The following AFTPH variants were observed in gnomAD, a reference collection of about 807,000 sequenced individuals.
AFTPH encodes the protein aftiphilin protein.
A neutral mutation model predicts 72.5 loss-of-function variants in AFTPH; 7 were observed. The ratio of observed to expected loss-of-function variants is 0.10; its 90% CI spans 0.05 to 0.18. The LOEUF (loss-of-function observed/expected upper bound fraction) is 0.18, where lower values mean the gene tolerates loss of function less well. Among genes scored for constraint, AFTPH ranks in the 10% least tolerant of loss-of-function variants. The pLI, the probability that AFTPH is intolerant of heterozygous loss-of-function variation, is 1.00. For missense variants in AFTPH, 979 were observed against 1,060.5 expected (o/e 0.92, Z 1.07); for synonymous variants, 337 against 370.1 (o/e 0.91, Z 1.03).
At chr2:64,532,386 T>G (rs143087790) in intron 1 of AFTPH, among the ~76,000 whole-genome samples, 1 of 152,146 alleles carries the variant, frequency 6.6e-6, no homozygotes, top group African/African-American at 2.4e-5. Context: ...ATGATCAAAT[T>G]TGACTTTTAA....
chr2:64,583,183 G>C (rs1331940905), intron 7 of AFTPH, among the ~76,000 whole-genome samples: 2 of 151,706 alleles, frequency 1.3e-5, no homozygotes, highest in Non-Finnish European at 2.9e-5. Flanking sequence ...TTTCTGACTT[G>C]TTTCTGGGAA....
intron 1 of AFTPH, among the ~76,000 whole-genome samples, chr2:64,530,028 C>T (rs1039331060): frequency 2.5e-4 from 38 of 151,912 alleles, no homozygotes; most frequent in South Asian, 2.1e-4. Context: ...TGGTGGCGGC[C>T]GCCTGTAATC....
chr2:64,544,802 T>C (rs1670464694), intron 1 of AFTPH, among the ~76,000 whole-genome samples: 1 of 152,142 alleles, frequency 6.6e-6, no homozygotes, highest in Non-Finnish European at 1.5e-5. Context: ...TTAGAAGCAG[T>C]GGCACTCTCT....
intron 2 of AFTPH, among the ~76,000 whole-genome samples, chr2:64,560,955 T>C (rs1352854639): frequency 6.6e-6 from 1 of 152,252 alleles, no homozygotes; most frequent in Non-Finnish European, 1.5e-5. Flanking sequence ...CTTGTTAGTA[T>C]ACTCAACCTG....
chr2:64,543,396 T>G (rs1670376280), intron 1 of AFTPH, among the ~76,000 whole-genome samples: 1 of 152,224 alleles, frequency 6.6e-6, no homozygotes, highest in African/African-American at 2.4e-5. Context: ...GTCCAATATA[T>G]CAATCTTTTC....
chr2:64,551,563 A>G (rs2103937978), exon 2 of AFTPH: 1 of 1,614,082 alleles, frequency 6.2e-7, no homozygotes, highest in Non-Finnish European at 8.5e-7. Flanking sequence ...GAATTTGGGG[A>G]ATTTGGTGGG....
intron 1 of AFTPH, among the ~76,000 whole-genome samples, chr2:64,542,450 A>G (rs1247773946): frequency 6.6e-6 from 1 of 152,188 alleles, no homozygotes; most frequent in Non-Finnish European, 1.5e-5. Flanking sequence ...AATAGGAGCT[A>G]CAGGCAGTTT....
chr2:64,592,398 C>G, exon 9 of AFTPH: 1 of 158,452 alleles, frequency 6.3e-6, no homozygotes, highest in Non-Finnish European at 1.4e-5. Context: ...CCCCTTCAGT[C>G]TTTTCAGATT....
At chr2:64,559,943 A>G (rs539389725) in intron 2 of AFTPH, among the ~76,000 whole-genome samples, 66 of 152,264 alleles carry the variant, frequency 4.3e-4, no homozygotes, top group Middle Eastern at 6.8e-3. Flanking sequence ...GGCTCAAGCA[A>G]TCTGCCTGCC....
chr2:64,524,838 C>T (rs1669151458), intron 1 of AFTPH, among the ~76,000 whole-genome samples: 1 of 152,260 alleles, frequency 6.6e-6, no homozygotes, highest in African/African-American at 2.4e-5. Context: ...GCACGGCCCC[C>T]TCCTCGCCAT....
chr2:64,531,369 C>T (rs1391199449), intron 1 of AFTPH, among the ~76,000 whole-genome samples: 1 of 152,134 alleles, frequency 6.6e-6, no homozygotes, highest in Non-Finnish European at 1.5e-5. Flanking sequence ...TCCCTTATTT[C>T]CTCAGATGAT....
chr2:64,552,615 G>T lies in AFTPH; in HGVS notation c.1141G>T (p.Gly381Cys), dbSNP rs1035255445. 5 of 1,614,128 alleles carry T rather than the reference G, an allele frequency of 3.1e-6. No individual in the cohort carries two copies. The African/African-American group carries it at 5.3e-5, about 17-fold the overall frequency. ...TGTTAAAACTTCTGATGATGAAGTT[G>T]GTTCTCCCAAAGAAGAAAGTAGAAA... Residue 381 changes from glycine to cysteine, a missense_variant, in exon 2 of 9, where the codon GGT (glycine) becomes TGT (cysteine). Gly to Cys is a radical substitution (Grantham distance 159). Coordinates refer to ENST00000238856, the Ensembl canonical transcript of AFTPH.
intron 2 of AFTPH, among the ~76,000 whole-genome samples, chr2:64,563,537 TCTC>T (rs1410179706): frequency 6.6e-6 from 1 of 152,246 alleles, no homozygotes; most frequent in Non-Finnish European, 1.5e-5. Context: ...TATTTTAACT[TCTC>T]TTCTTCTGAG....
At chr2:64,546,561 CTT>C (rs1193987474) in intron 1 of AFTPH, among the ~76,000 whole-genome samples, 1 of 151,922 alleles carries the variant, frequency 6.6e-6, no homozygotes, top group Non-Finnish European at 1.5e-5. Context: ...ATATAAATCT[CTT>C]TGAATGCTTT....
At chr2:64,557,026 A>G (rs73934543) in intron 2 of AFTPH, among the ~76,000 whole-genome samples, 2,441 of 152,326 alleles carry the variant, frequency 0.016, 72 homozygotes, top group African/African-American at 0.055. Flanking sequence ...AACAACAACA[A>G]CAAAACCTTC....
chr2:64,537,198 C>G (rs1178195874), intron 1 of AFTPH, among the ~76,000 whole-genome samples: 1 of 151,992 alleles, frequency 6.6e-6, no homozygotes, highest in Non-Finnish European at 1.5e-5. Context: ...GCATGAATGC[C>G]TCTGTAGAAT....
chr2:64,537,029 T>G (rs1321989129), intron 1 of AFTPH, among the ~76,000 whole-genome samples: 2 of 152,042 alleles, frequency 1.3e-5, no homozygotes, highest in African/African-American at 4.8e-5. Flanking sequence ...AAATGTATTT[T>G]AGACACTTTG....
At chr2:64,550,771 G>C (rs559576521) in intron 1 of AFTPH, among the ~76,000 whole-genome samples, 1 of 149,396 alleles carries the variant, frequency 6.7e-6, no homozygotes, top group African/African-American at 2.5e-5. Context: ...TGAGTTAATA[G>C]TATTGTACTG....
chr2:64,528,007 G>T (rs190813044), intron 1 of AFTPH, among the ~76,000 whole-genome samples: 2 of 152,334 alleles, frequency 1.3e-5, no homozygotes, highest in African/African-American at 4.8e-5. Context: ...TAATTGAGAA[G>T]AAGAGGGAAA....
Sources: gnomAD v4.1 joint callset for allele counts (sites outside exome capture counted in the v4.1 genomes callset) on GRCh38, gnomAD v4.1.1 for gene constraint, MANE v1.5 for transcripts, NCBI Gene and HGNC (gene_info 2026-07-23, HGNC 2026-07-21) for gene names.